CYBRD1: variants seen among roughly 807,000 people sequenced by gnomAD.
The protein encoded by CYBRD1 is plasma membrane ascorbate-dependent reductase CYBRD1.
CYBRD1 carries 14 observed loss-of-function variants against 21.9 expected under a neutral mutation model. The ratio of observed to expected loss-of-function variants is 0.64; its 90% CI spans 0.42 to 1.00. The LOEUF (loss-of-function observed/expected upper bound fraction) is 1.00, where lower values mean the gene tolerates loss of function less well. Among genes scored for constraint, CYBRD1 ranks in the 50% least tolerant of loss-of-function variants. The pLI, the probability that CYBRD1 is intolerant of heterozygous loss-of-function variation, is 0.00. For missense variants in CYBRD1, 328 were observed against 352.5 expected (o/e 0.93, Z 0.56); for synonymous variants, 146 against 136.5 (o/e 1.07, Z -0.48).
intron 1 of CYBRD1, among the ~76,000 whole-genome samples, chr2:171,538,218 G>A (rs1401395111): frequency 6.6e-6 from 1 of 152,136 alleles, no homozygotes; most frequent in Non-Finnish European, 1.5e-5. Flanking sequence ...AGCTGAGATC[G>A]CACCATTGCA....
In CYBRD1 at chr2:171,522,761, TGCGGGGAGGAAA is replaced by T. The variant is rs748192522; in HGVS notation, c.193+32_193+43del. On this transcript the variant is annotated intron_variant, in intron 1 of 3. Transcript: ENST00000321348. The surrounding 1 kb of genome is among the most constrained non-coding windows in gnomAD (Gnocchi z 4.3). ...TCGGTACTGGCACCTCCTGGGGGGGTGCGGGGAGGAAAGCGGGGAGAACGGCGGGGGCAGAGG... is the reference window on the plus strand; with the variant it reads ...TCGGTACTGGCACCTCCTGGGGGGGTGCGGGGAGAACGGCGGGGGCAGAGG... The T allele has an allele frequency of 3.1e-6, 5 of 1,610,138 alleles. No individual in the cohort carries two copies. The highest frequency in any genetic ancestry group is 2.5e-6 in the Non-Finnish European group (3 of 1,178,954).
intron 1 of CYBRD1, among the ~76,000 whole-genome samples, chr2:171,532,043 GAC>G (rs1200475050): frequency 6.6e-6 from 1 of 152,194 alleles, no homozygotes; most frequent in Non-Finnish European, 1.5e-5. Flanking sequence ...CGTGCTGTGA[GAC>G]AGTTTGAATG....
chr2:171,552,088 T>A (rs1166655054), intron 2 of CYBRD1, among the ~76,000 whole-genome samples: 2 of 152,204 alleles, frequency 1.3e-5, no homozygotes, highest in African/African-American at 2.4e-5. Flanking sequence ...CTATAGACCA[T>A]AAGCAGACTG....
rs1683468387 is a variant in CYBRD1, at chr2:171,555,412, G to A, written c.*585G>A. The A allele has an allele frequency of 6.3e-6, 1 of 157,832 alleles. No homozygotes were observed. The highest frequency in any genetic ancestry group is 1.4e-5 in the Non-Finnish European group (1 of 71,710). The allele number at this position is 157,832 out of a possible 1,614,324, so 9.8% of individuals were successfully genotyped here. A position where few individuals can be genotyped will look rare whatever the true frequency, so the allele number is the denominator to read the frequency against. ...GGTTTGGGCTCAAATTGTCCCTGGA[G>A]ACTAGGGTTTATGTTAGGGTATTGA... On this transcript the variant is annotated 3_prime_UTR_variant, in exon 4 of 4. Transcript: ENST00000321348.
intron 1 of CYBRD1, among the ~76,000 whole-genome samples, chr2:171,532,779 C>CGACA (rs1309689519): frequency 6.6e-6 from 1 of 150,556 alleles, no homozygotes; most frequent in African/African-American, 2.5e-5. Flanking sequence ...CCAGCTTGGG[C>CGACA]GACATAGTGA....
At chr2:171,525,943 C>G (rs1386854690) in intron 1 of CYBRD1, among the ~76,000 whole-genome samples, 2 of 115,644 alleles carry the variant, frequency 1.7e-5, no homozygotes, top group South Asian at 6.5e-4. Context: ...GCGAAACTCC[C>G]GTCTAAAAAA....
intron 3 of CYBRD1, 87 bp downstream of exon 3, chr2:171,553,587 C>G (rs1475345368): frequency 1.6e-6 from 2 of 1,219,974 alleles, no homozygotes; most frequent in Non-Finnish European, 2.2e-6. Flanking sequence ...AAAAATATAA[C>G]AAAATTTTTT....
chr2:171,538,374 A>G (rs1697576183), intron 1 of CYBRD1, among the ~76,000 whole-genome samples: 1 of 152,192 alleles, frequency 6.6e-6, no homozygotes, highest in Non-Finnish European at 1.5e-5. Flanking sequence ...AAGACACATT[A>G]ACGCCCTCAG....
intron 1 of CYBRD1, chr2:171,539,996 G>A (rs1266334368): frequency 6.6e-6 from 1 of 152,246 alleles, no homozygotes; most frequent in Non-Finnish European, 1.5e-5. Context: ...CTCCCAAAGT[G>A]TTGGGATTAC....
chr2:171,545,177 A>C (rs923011351), intron 2 of CYBRD1, among the ~76,000 whole-genome samples: 1 of 148,158 alleles, frequency 6.7e-6, no homozygotes, highest in African/African-American at 2.5e-5. Context: ...ACTATTTTTT[A>C]TTTTAAAGAG....
In CYBRD1 at chr2:171,522,752, C is replaced by G; in HGVS notation, c.193+14C>G. On this transcript the variant is annotated intron_variant, in intron 1 of 3. Coordinates refer to ENST00000321348, the MANE Select transcript of CYBRD1 (RefSeq NM_024843.4). This position sits in a 1 kb window ranked among gnomAD's most constrained non-coding sequence, Gnocchi z 4.3. ...TCCAGGGCATCGGTACTGGCACCTC[C>G]TGGGGGGGTGCGGGGAGGAAAGCGG... 16 of 1,613,186 alleles carry G rather than the reference C, an allele frequency of 9.9e-6. No individual in the cohort carries two copies. The highest frequency in any genetic ancestry group is 1.4e-5 in the Non-Finnish European group (16 of 1,179,824).
chr2:171,536,403 C>A (rs1314793351), intron 1 of CYBRD1, among the ~76,000 whole-genome samples: 1 of 152,156 alleles, frequency 6.6e-6, no homozygotes, highest in Non-Finnish European at 1.5e-5. Flanking sequence ...CTCCCGGGTT[C>A]AAGCGATCCT....
At chr2:171,540,534 A>T (rs899816425) in intron 1 of CYBRD1, among the ~76,000 whole-genome samples, 1 of 152,130 alleles carries the variant, frequency 6.6e-6, no homozygotes, top group African/African-American at 2.4e-5. Flanking sequence ...GGTATGCATA[A>T]CTTTACCTTA....
At chr2:171,554,232 T>C (rs917898385) in intron 3 of CYBRD1, among the ~76,000 whole-genome samples, 1 of 152,222 alleles carries the variant, frequency 6.6e-6, no homozygotes, top group East Asian at 1.9e-4. Flanking sequence ...CCTTTTGGTT[T>C]AGTTCTAGGA....
At chr2:171,528,327 T>C (rs970619081) in intron 1 of CYBRD1, among the ~76,000 whole-genome samples, 7 of 152,046 alleles carry the variant, frequency 4.6e-5, no homozygotes, top group South Asian at 4.1e-4. Context: ...TCAGGTGATC[T>C]ACCCGCCTCA....
chr2:171,526,979 C>G (rs1697395103), intron 1 of CYBRD1, among the ~76,000 whole-genome samples: 1 of 152,082 alleles, frequency 6.6e-6, no homozygotes, highest in Admixed American at 6.6e-5. Context: ...AAATTAAGAG[C>G]AGTTCTTAAA....
intron 1 of CYBRD1, among the ~76,000 whole-genome samples, chr2:171,526,890 A>G (rs1157653561): frequency 6.6e-6 from 1 of 152,196 alleles, no homozygotes; most frequent in Non-Finnish European, 1.5e-5. Context: ...AAGGGAGAGA[A>G]ATTAAATAGT....
intron 1 of CYBRD1, among the ~76,000 whole-genome samples, chr2:171,532,549 T>C (rs968551694): frequency 3.2e-4 from 48 of 152,082 alleles, no homozygotes; most frequent in African/African-American, 1.1e-3. Context: ...CCTGTAATTC[T>C]AGCACTTTGG....
chr2:171,524,439 A>G (rs1487878516), intron 1 of CYBRD1, among the ~76,000 whole-genome samples: 2 of 152,176 alleles, frequency 1.3e-5, no homozygotes, highest in Non-Finnish European at 2.9e-5. Context: ...GCAGCTTCTA[A>G]TACCAAAAAG....
Sources: gnomAD v4.1 joint callset for allele counts (sites outside exome capture counted in the v4.1 genomes callset) on GRCh38, gnomAD v4.1.1 for gene constraint, Gnocchi (gnomAD v3.1) non-coding constraint, MANE v1.5 for transcripts, NCBI Gene and HGNC (gene_info 2026-07-23, HGNC 2026-07-21) for gene names.